C3orf33: variants seen among roughly 807,000 people sequenced by gnomAD.
C3orf33 encodes the protein mitochondrial inner membrane subdomain organizer 1, also known as AP-1 activity suppressor.
In C3orf33, 23 loss-of-function variants were observed where a neutral mutation model predicts 28.7. The observed-to-expected ratio is 0.80, with a 90% CI of 0.58 to 1.13. The LOEUF is 1.13. Among genes scored for constraint, C3orf33 ranks in the 50% most tolerant of loss-of-function variants. The probability of loss-of-function intolerance (pLI) is 0.00; values close to 1 mark genes in which losing one functional copy is unlikely to be tolerated. For missense variants in C3orf33, 327 were observed against 353.4 expected, an observed-to-expected ratio of 0.93 and a Z score of 0.60; for synonymous variants, 119 against 120.5, an observed-to-expected ratio of 0.99 and a Z score of 0.08.
In C3orf33 at chr3:155,763,870, G is replaced by A. The variant is rs775150071; in HGVS notation, c.532C>T (p.Leu178Phe). The change falls in exon 5 of 5, where the codon CTT becomes TTT. Residue 178 changes from leucine to phenylalanine, a missense_variant. Physicochemically the swap from Leu to Phe is conservative, Grantham distance 22 (BLOSUM62 0). Transcript: ENST00000340171. ...NLNEEILRRG[L>F]GKTVLVKGLK... ...CCTTTAACAAGAACAGTTTTGCCAA[G>A]GCCTCTTCTCAAAATTTCTTCATTC... The A allele has an allele frequency of 1.3e-6, 2 of 1,504,374 alleles. No individual in the cohort carries two copies. Among genetic ancestry groups the A allele is most frequent in the Non-Finnish European group, 1.8e-6 (2 of 1,131,728 alleles). The allele number at this position is 1,504,374 out of a possible 1,614,324, so 93.2% of individuals were successfully genotyped here. A position where few individuals can be genotyped will look rare whatever the true frequency, so the allele number is the denominator to read the frequency against.
In C3orf33 at chr3:155,763,736, T is replaced by C. The variant is rs762429849; in HGVS notation, c.666A>G (p.Lys222=). Residue 222 remains lysine (K), a synonymous_variant, in exon 5 of 5, where the codon AAA becomes AAG. Coordinates refer to ENST00000340171, the MANE Select transcript of C3orf33 (RefSeq NM_001308229.2). ...GEGIWKEDSE[K]ESYLEKFKDS... is the part of the protein sequence containing the mutation. ...CTTTGAATTTTTCTAAGTAACTTTC[T>C]TTTTCAGAGTCTTCCTTCCATATTC... 1 of 1,595,084 alleles carries C rather than the reference T, an allele frequency of 6.3e-7. No individual in the cohort carries two copies. The highest frequency in any genetic ancestry group is 2.2e-5 in the East Asian group (1 of 44,706).
chr3:155,801,005 T>G (rs1751630662), intron 2 of C3orf33, among the ~76,000 whole-genome samples: 1 of 152,086 alleles, frequency 6.6e-6, no homozygotes, highest in Non-Finnish European at 1.5e-5. Context: ...ACAGCCACTG[T>G]AAAAAACAGT....
intron 4 of C3orf33, among the ~76,000 whole-genome samples, chr3:155,764,198 T>C (rs984137675): frequency 9.9e-5 from 15 of 152,198 alleles, no homozygotes; most frequent in African/African-American, 3.4e-4. Context: ...CAATAAAGTA[T>C]GAAAAATGTG....
chr3:155,800,690 A>C (rs1188316560), intron 2 of C3orf33, among the ~76,000 whole-genome samples: 1 of 149,694 alleles, frequency 6.7e-6, no homozygotes, highest in African/African-American at 2.4e-5. Flanking sequence ...TCATTTATCT[A>C]ATCAGGGACT....
chr3:155,791,182 G>C (rs1248186171), intron 2 of C3orf33, among the ~76,000 whole-genome samples: 1 of 152,090 alleles, frequency 6.6e-6, no homozygotes, highest in Non-Finnish European at 1.5e-5. Flanking sequence ...CCCATTTCAG[G>C]CCCTAGCTCA....
chr3:155,793,809 C>CAAAAAAAAAAAAA (rs1176317323), intron 2 of C3orf33, among the ~76,000 whole-genome samples: 28 of 36,840 alleles, frequency 7.6e-4, no homozygotes, highest in Non-Finnish European at 1.2e-3. Flanking sequence ...GACTCTGACT[C>CAAAAAAAAAAAAA]AAAAAAAAAA....
At chr3:155,786,193 T>G (rs775283423) in intron 2 of C3orf33, among the ~76,000 whole-genome samples, 1 of 151,598 alleles carries the variant, frequency 6.6e-6, no homozygotes, top group Admixed American at 6.6e-5. Flanking sequence ...ATCAAAAACC[T>G]AACTTTATAA....
intron 2 of C3orf33, among the ~76,000 whole-genome samples, chr3:155,800,672 T>G (rs1751621811): frequency 8.4e-6 from 1 of 119,074 alleles, no homozygotes; most frequent in Non-Finnish European, 1.8e-5. Flanking sequence ...TGAGAAAATA[T>G]TTGCAAATCA....
chr3:155,784,250 T>C lies in C3orf33; in HGVS notation c.175-8402A>G, dbSNP rs1751032637. 2.6e-5 allele frequency among the ~76,000 whole-genome samples: 4 copies of C among 152,182 alleles called. No homozygotes were observed. In the South Asian group the frequency reaches 8.3e-4, roughly 32 times the overall value. On this transcript the variant is annotated intron_variant, in intron 2 of 4. Transcript: ENST00000340171. ...CAGCCTAGTTTATGCTTTTTTTATATCCACAATGTACAAAAATGCGATTCT... is the reference window on the plus strand; with the variant it reads ...CAGCCTAGTTTATGCTTTTTTTATACCCACAATGTACAAAAATGCGATTCT...
At chr3:155,791,865 C>T (rs1191430796) in intron 2 of C3orf33, among the ~76,000 whole-genome samples, 1 of 151,888 alleles carries the variant, frequency 6.6e-6, no homozygotes, top group East Asian at 1.9e-4. Flanking sequence ...CCCTGGCTCC[C>T]GGATGACACC....
At position 155,789,344 on chromosome 3, in the gene C3orf33, C is replaced by CAAA. The variant is rs57871976; in HGVS notation, c.174+13185_174+13187dup. ...TGGGCAACAGAGTGAGACTCTGTCT[C>CAAA]AAAAAAAAAAAAAAAAGCAATTCCA... On this transcript the variant is annotated intron_variant, in intron 2 of 4. Transcript: ENST00000340171. Among the ~76,000 whole-genome samples the CAAA allele has an allele frequency of 4.8e-3, 534 of 111,972 alleles. 9 individuals carry two copies. The highest frequency in any genetic ancestry group is 0.013 in the African/African-American group (370 of 28,704). The allele number at this position is 111,972 out of a possible 152,430, so 73.5% of individuals were successfully genotyped here. A position where few individuals can be genotyped will look rare whatever the true frequency, so the allele number is the denominator to read the frequency against.
intron 2 of C3orf33, among the ~76,000 whole-genome samples, chr3:155,777,442 C>G (rs1349550252): frequency 1.3e-5 from 2 of 151,832 alleles, no homozygotes; most frequent in African/African-American, 2.4e-5. Context: ...ACTAACATTA[C>G]AGATCTTTTT....
intron 2 of C3orf33, among the ~76,000 whole-genome samples, chr3:155,777,492 G>A (rs780753846): frequency 1.3e-5 from 2 of 151,772 alleles, no homozygotes; most frequent in Non-Finnish European, 2.9e-5. Flanking sequence ...CCAGGCTGCA[G>A]CTCAGTGGCA....
chr3:155,797,029 A>G (rs1365058566), intron 2 of C3orf33, among the ~76,000 whole-genome samples: 1 of 152,102 alleles, frequency 6.6e-6, no homozygotes, highest in Non-Finnish European at 1.5e-5. Flanking sequence ...CGCCTCTACT[A>G]AAAATACAAA....
chr3:155,782,077 G>A lies in C3orf33; in HGVS notation c.175-6229C>T, dbSNP rs117057223. On this transcript the variant is annotated intron_variant, in intron 2 of 4. Transcript: ENST00000340171. ...AAATACAAAATTAGCCAGGTGTGGT[G>A]GTGGACTCATGTAATCCCAGCTACT... Among the ~76,000 whole-genome samples the A allele has an allele frequency of 1.0e-3, 152 of 151,476 alleles. 1 individual carries two copies. The East Asian group carries it at 0.024, about 24-fold the overall frequency.
At chr3:155,800,080 G>T (rs1427268708) in intron 2 of C3orf33, among the ~76,000 whole-genome samples, 8 of 152,096 alleles carry the variant, frequency 5.3e-5, no homozygotes, top group Non-Finnish European at 8.8e-5. Context: ...TAATTGGATT[G>T]TTTGCAACAC....
chr3:155,782,858 T>C (rs889139994), intron 2 of C3orf33, among the ~76,000 whole-genome samples: 5 of 152,192 alleles, frequency 3.3e-5, no homozygotes, highest in Admixed American at 2.0e-4. Context: ...ACTAATATTA[T>C]TGTAACAACA....
At chr3:155,800,679 A>C (rs1255345091) in intron 2 of C3orf33, among the ~76,000 whole-genome samples, 1 of 149,062 alleles carries the variant, frequency 6.7e-6, no homozygotes, top group Non-Finnish European at 1.5e-5. Flanking sequence ...ATATTTGCAA[A>C]TCATTTATCT....
intron 2 of C3orf33, among the ~76,000 whole-genome samples, chr3:155,788,010 T>C (rs1361695869): frequency 6.6e-6 from 1 of 151,418 alleles, no homozygotes; most frequent in Admixed American, 6.6e-5. Context: ...GTTAACACGG[T>C]GAAACCCCGT....
Sources: allele counts gnomAD v4.1 joint callset (sites outside exome capture counted in the v4.1 genomes callset), GRCh38; gene constraint gnomAD v4.1.1; transcripts MANE v1.5; gene names NCBI Gene and HGNC (gene_info 2026-07-23, HGNC 2026-07-21).